DCHS2: variants seen among roughly 807,000 people sequenced by gnomAD.
DCHS2 encodes the protein dachsous cadherin-related 2.
Under a neutral mutation model 182.4 loss-of-function variants are expected in DCHS2, and 142 were observed. The observed-to-expected ratio is 0.78, with a 90% CI of 0.68 to 0.89. The LOEUF (loss-of-function observed/expected upper bound fraction) is 0.89, where lower values mean the gene tolerates loss of function less well. Among genes scored for constraint, DCHS2 ranks in the 40% least tolerant of loss-of-function variants. The pLI is 0.00. For missense variants in DCHS2, 4,319 were observed against 4,198.6 expected (o/e 1.03, Z -0.79); for synonymous variants, 1,740 against 1,663.3 (o/e 1.05, Z -1.12).
At chr4:154,462,708 C>T (rs1017391915) in intron 1 of DCHS2, among the ~76,000 whole-genome samples, 1 of 151,988 alleles carries the variant, frequency 6.6e-6, no homozygotes, top group Non-Finnish European at 1.5e-5. Context: ...TACATATAAC[C>T]AGAAAGCATT....
rs1463583260 is a variant in DCHS2, at chr4:154,304,749, T to C, written c.5525A>G (p.Gln1842Arg). The change falls in exon 12 of 20, where the codon CAG becomes CGG. Residue 1842 changes from glutamine to arginine, a missense_variant. Physicochemically the swap from Gln to Arg is conservative, Grantham distance 43 (BLOSUM62 1). Transcript: ENST00000357232. ...AACCGTATAGACAACCTCTGGTTCC[T>C]GGTTTTCCAGAACCTCAATGTCATA... The part of the protein sequence containing the change: ...SSYDIEVLEN[Q>R]EPEVVYTVLA... 6.2e-7 allele frequency: 1 copy of C among 1,613,998 alleles called. No individual in the cohort carries two copies. The highest frequency in any genetic ancestry group is 2.2e-5 in the East Asian group (1 of 44,874).
chr4:154,447,274 A>G (rs1206307701), intron 1 of DCHS2, among the ~76,000 whole-genome samples: 1 of 152,200 alleles, frequency 6.6e-6, no homozygotes, highest in African/African-American at 2.4e-5. Flanking sequence ...CCTGGGCAAC[A>G]GAGGAAAACT....
chr4:154,270,118 T>C lies in DCHS2; in HGVS notation c.6464-105A>G, dbSNP rs777007457. The C allele has an allele frequency of 4.2e-4, 573 of 1,368,786 alleles. 10 individuals carry two copies. Among genetic ancestry groups the C allele is most frequent in the Non-Finnish European group, 9.0e-5 (92 of 1,025,766 alleles). The allele number at this position is 1,368,786 out of a possible 1,614,324, so 84.8% of individuals were successfully genotyped here. On this transcript the variant is annotated intron_variant, in intron 13 of 19. Transcript: ENST00000357232. ...ATTATTTGCCTACTATGTTTTCACT[T>C]GTTCATTGATTCAACAATAACTTAT...
chr4:154,318,036 T>A (rs1379815081), intron 9 of DCHS2, among the ~76,000 whole-genome samples: 1 of 152,130 alleles, frequency 6.6e-6, no homozygotes, highest in African/African-American at 2.4e-5. Flanking sequence ...TGCTACCTGA[T>A]TCACTATTGG....
intron 15 of DCHS2, among the ~76,000 whole-genome samples, chr4:154,258,596 C>T (rs1361185296): frequency 3.9e-5 from 6 of 151,914 alleles, no homozygotes; most frequent in Non-Finnish European, 7.4e-5. Flanking sequence ...AGACTAGTCT[C>T]GAACTCCTGA....
At chr4:154,462,395 T>C (rs76137303) in intron 1 of DCHS2, among the ~76,000 whole-genome samples, 1 of 152,210 alleles carries the variant, frequency 6.6e-6, no homozygotes, top group Non-Finnish European at 1.5e-5. Context: ...AAAGCTTTCA[T>C]GTATATTCTC....
intron 17 of DCHS2, 57 bp from the exon 18 acceptor site, chr4:154,240,880 T>A: frequency 6.3e-7 from 1 of 1,581,752 alleles, no homozygotes; most frequent in East Asian, 2.3e-5. Context: ...TGAAATACAT[T>A]TCTTTAGTAG....
At chr4:154,361,565 T>G (rs1427033007) in intron 3 of DCHS2, among the ~76,000 whole-genome samples, 2 of 152,108 alleles carry the variant, frequency 1.3e-5, no homozygotes, top group Non-Finnish European at 2.9e-5. Context: ...GTCTGCCTTG[T>G]GCCCACATCA....
chr4:154,297,288 T>C (rs1030862013), intron 13 of DCHS2, among the ~76,000 whole-genome samples: 2 of 152,204 alleles, frequency 1.3e-5, no homozygotes, highest in Admixed American at 6.5e-5. Flanking sequence ...TTTAGACTTA[T>C]GCCCTTCACA....
intron 13 of DCHS2, among the ~76,000 whole-genome samples, chr4:154,277,181 AAC>A (rs1351016606): frequency 6.6e-6 from 1 of 152,206 alleles, no homozygotes; most frequent in Non-Finnish European, 1.5e-5. Context: ...CTTAAGAATA[AAC>A]ACACAACTTG....
intron 18 of DCHS2, among the ~76,000 whole-genome samples, chr4:154,239,585 T>G (rs1560975115): frequency 6.6e-6 from 1 of 152,200 alleles, no homozygotes; most frequent in South Asian, 2.1e-4. Flanking sequence ...CTTAGCTCAC[T>G]GCATCCTCTG....
At chr4:154,427,220 C>T (rs1733367543) in intron 1 of DCHS2, among the ~76,000 whole-genome samples, 1 of 152,182 alleles carries the variant, frequency 6.6e-6, no homozygotes, top group South Asian at 2.1e-4. Flanking sequence ...CTAAAGCTGC[C>T]TCCTTACATA....
intron 3 of DCHS2, among the ~76,000 whole-genome samples, chr4:154,341,151 G>A (rs1729056075): frequency 6.6e-6 from 1 of 152,022 alleles, no homozygotes; most frequent in Non-Finnish European, 1.5e-5. Context: ...GGTGGATCAC[G>A]AGGTCAGGAG....
At chr4:154,259,508 A>G in intron 15 of DCHS2, 37 bp downstream of exon 15, 1 of 1,591,020 alleles carries the variant, frequency 6.3e-7, no homozygotes, top group South Asian at 1.1e-5. Flanking sequence ...ACCCACACAC[A>G]CACACACACA....
At chr4:154,435,725 G>T (rs1733753025) in intron 1 of DCHS2, among the ~76,000 whole-genome samples, 1 of 151,996 alleles carries the variant, frequency 6.6e-6, no homozygotes, top group African/African-American at 2.4e-5. Context: ...AATCCAAATT[G>T]TACCTACCAG....
intron 3 of DCHS2, among the ~76,000 whole-genome samples, chr4:154,342,787 C>T (rs1729168778): frequency 1.3e-5 from 2 of 152,134 alleles, no homozygotes; most frequent in South Asian, 4.2e-4. Flanking sequence ...TTCTTCCAAA[C>T]TCCTATGTTA....
chr4:154,421,646 G>A (rs1349325555), intron 1 of DCHS2, among the ~76,000 whole-genome samples: 1 of 152,040 alleles, frequency 6.6e-6, no homozygotes, highest in Non-Finnish European at 1.5e-5. Flanking sequence ...CCACCACCTT[G>A]GCCTCCCAAA....
intron 1 of DCHS2, among the ~76,000 whole-genome samples, chr4:154,381,628 CTA>C (rs896069523): frequency 6.6e-6 from 1 of 151,970 alleles, no homozygotes; most frequent in African/African-American, 2.4e-5. Flanking sequence ...AGTAGCATTC[CTA>C]TACAGCAATA....
In DCHS2 at chr4:154,366,294, G is replaced by T. The variant is rs1032122946; in HGVS notation, c.2392C>A (p.Gln798Lys). The change falls in exon 3 of 20, where the codon CAG becomes AAG. Residue 798 changes from glutamine (Q) to lysine (K), a missense_variant. Coordinates refer to ENST00000357232, the MANE Select transcript of DCHS2 (RefSeq NM_001358235.2). ...TEIINVLATD[Q>K]DSGIYGTVAY... is the part of the protein sequence containing the mutation. Reference sequence around the variant, plus strand: ...ACTGTCCCATATATCCCAGAGTCCTGGTCAGTGGCAAGAACATTGATGATC... The same window carrying T: ...ACTGTCCCATATATCCCAGAGTCCTTGTCAGTGGCAAGAACATTGATGATC... 1.4e-5 allele frequency: 23 copies of T among 1,613,718 alleles called. No homozygotes were observed. The highest frequency in any genetic ancestry group is 1.8e-5 in the Non-Finnish European group (21 of 1,179,914).
Sources: gnomAD v4.1 joint callset for allele counts (sites outside exome capture counted in the v4.1 genomes callset) on GRCh38, gnomAD v4.1.1 for gene constraint, MANE v1.5 for transcripts, NCBI Gene and HGNC (gene_info 2026-07-23, HGNC 2026-07-21) for gene names.